Variants in MME observed in about 807,000 individuals in gnomAD.
MME encodes membrane metalloendopeptidase.
In MME, 98 loss-of-function variants were observed where a neutral mutation model predicts 113.2. That is an observed-to-expected ratio of 0.87 (90% CI 0.74 to 1.02). The LOEUF is 1.02. Among genes scored for constraint, MME ranks in the 50% least tolerant of loss-of-function variants. MME has a pLI of 0.00. For missense variants in MME, 836 were observed against 896.0 expected (o/e 0.93, Z 0.86); for synonymous variants, 292 against 300.6 (o/e 0.97, Z 0.30).
intron 1 of MME, among the ~76,000 whole-genome samples, chr3:155,064,875 T>TCAA (rs1455427584): frequency 2.6e-5 from 4 of 152,196 alleles, no homozygotes; most frequent in Non-Finnish European, 5.9e-5. Context: ...CTGGTGTTTG[T>TCAA]CAACAACCTT....
rs2304504 is a variant in MME at position 155,143,438 on chromosome 3, C to T, written c.1189-5C>T. The T allele has an allele frequency of 8.6e-5, 138 of 1,611,228 alleles. 1 individual carries two copies. In the East Asian group the frequency reaches 2.8e-3, roughly 33 times the overall value. On this transcript the variant is annotated splice_region_variant and splice_polypyrimidine_tract_variant and intron_variant, in intron 12 of 22. Transcript: ENST00000360490. Reference sequence around the variant, plus strand: ...CAAATGCCATTTCCTTTTTCTTTTCCGTAGGCCCTTTATGGTACAACCTCA... The same window carrying T: ...CAAATGCCATTTCCTTTTTCTTTTCTGTAGGCCCTTTATGGTACAACCTCA...
chr3:155,168,871 T>C (rs1711603414), intron 20 of MME, 74 bp downstream of exon 20: 1 of 1,348,614 alleles, frequency 7.4e-7, no homozygotes. Flanking sequence ...ATTTAAAACC[T>C]TTTGCAAAAA....
intron 8 of MME, among the ~76,000 whole-genome samples, chr3:155,136,689 G>T (rs1720663311): frequency 6.6e-6 from 1 of 152,080 alleles, no homozygotes; most frequent in South Asian, 2.1e-4. Flanking sequence ...ATTAGTTTTA[G>T]GTTTGATTAA....
At chr3:155,105,994 G>A (rs1450776962) in intron 3 of MME, among the ~76,000 whole-genome samples, 1 of 152,040 alleles carries the variant, frequency 6.6e-6, no homozygotes, top group African/African-American at 2.4e-5. Flanking sequence ...GTGTGTGTAT[G>A]CATATTTGTT....
intron 1 of MME, among the ~76,000 whole-genome samples, chr3:155,067,290 A>AT (rs1714411760): frequency 7.7e-6 from 1 of 129,370 alleles, no homozygotes; most frequent in East Asian, 2.1e-4. Context: ...AGCTTTTGCA[A>AT]TTTATTTTCC....
At chr3:155,171,261 C>A (rs1711919737) in intron 20 of MME, among the ~76,000 whole-genome samples, 1 of 152,154 alleles carries the variant, frequency 6.6e-6, no homozygotes, top group African/African-American at 2.4e-5. Flanking sequence ...AGATTGCGAG[C>A]TCTCTAAGAG....
intron 1 of MME, among the ~76,000 whole-genome samples, chr3:155,040,718 A>G (rs1053601645): frequency 6.6e-6 from 1 of 152,082 alleles, no homozygotes; most frequent in African/African-American, 2.4e-5. Context: ...TCATAAGTTC[A>G]AAATAATATC....
rs564835326 is a variant in MME, at chr3:155,183,294, G to T, written c.*2835G>T. The T allele has an allele frequency of 6.6e-6, 1 of 152,292 alleles. No homozygotes were observed. Among genetic ancestry groups the T allele is most frequent in the East Asian group, 1.9e-4 (1 of 5,176 alleles). 9.4% of individuals were successfully genotyped at this position (152,292 alleles called of 1,614,324 possible). Reference sequence around the variant, plus strand: ...CCTCTGCTTCTCTCACCTAAAAAAAGAGAATTAGATTATATTGGTGGTTCT... The same window carrying T: ...CCTCTGCTTCTCTCACCTAAAAAAATAGAATTAGATTATATTGGTGGTTCT... On this transcript the variant is annotated 3_prime_UTR_variant, in exon 23 of 23. Transcript: ENST00000360490.
Position 155,152,037 on chromosome 3 carries a change from C to T in MME, c.1601+3384C>T, listed in dbSNP as rs191040564. On this transcript the variant is annotated intron_variant, in intron 16 of 22. Coordinates refer to ENST00000360490, the MANE Select transcript of MME (RefSeq NM_007289.4). The stretch of plus-strand genomic sequence containing the variant: ...AAAACACTTCAGTGTATCCCTGTTG[C>T]CTGTCTCATGATGTGTGACTGTTTT... Among the ~76,000 whole-genome samples the T allele has an allele frequency of 2.0e-5, 3 of 152,232 alleles. No homozygotes were observed. In the East Asian group the frequency reaches 5.8e-4, roughly 29 times the overall value.
At chr3:155,080,703 G>A (rs1715063849) in intron 1 of MME, among the ~76,000 whole-genome samples, 1 of 152,078 alleles carries the variant, frequency 6.6e-6, no homozygotes. Context: ...TATTTGTCTG[G>A]TTTCAAAATA....
Position 155,180,458 on chromosome 3 carries a change from G to A in MME, c.2252G>A (p.Ter751=). The change falls in exon 23 of 23, where the codon TGA becomes TAA. Residue 751 remains the stop codon, a stop_retained_variant. Coordinates refer to ENST00000360490, the MANE Select transcript of MME (RefSeq NM_007289.4). ...CCAGAAAAGAAGTGCCGGGTTTGGT[G>A]ATCTTCAAAAGAAGCATTGCAGCCC... ...MNPEKKCRVW[*] is the part of the protein sequence containing the mutation. The A allele has an allele frequency of 6.2e-7, 1 of 1,611,878 alleles. No individual in the cohort carries two copies. The highest frequency in any genetic ancestry group is 8.5e-7 in the Non-Finnish European group (1 of 1,178,120).
chr3:155,141,131 T>C (rs1191764346), intron 10 of MME, among the ~76,000 whole-genome samples: 2 of 152,220 alleles, frequency 1.3e-5, no homozygotes, highest in African/African-American at 4.8e-5. Flanking sequence ...AACTACCACA[T>C]TCAGCGATGA....
In MME at chr3:155,115,070, G is replaced by A; in HGVS notation, c.273G>A (p.Trp91Ter). The A allele has an allele frequency of 6.2e-7, 1 of 1,614,112 alleles. No individual in the cohort carries two copies. The change falls in exon 4 of 23, where the codon TGG becomes TGA. Residue 91 changes from tryptophan (W) to a stop codon, truncating the protein, a stop_gained. Transcript: ENST00000360490. LOFTEE classifies it high-confidence loss of function. Reference protein sequence around the residue: ...TDFFKYACGGWLKRNVIPETS... With the variant: ...TDFFKYACGG Reference sequence around the variant, plus strand: ...TTTTCAAATATGCTTGCGGAGGCTGGTTGAAACGTAATGTCATTCCCGAGA... The same window carrying A: ...TTTTCAAATATGCTTGCGGAGGCTGATTGAAACGTAATGTCATTCCCGAGA...
chr3:155,064,054 GC>G (rs1432064058), intron 1 of MME, among the ~76,000 whole-genome samples: 3 of 152,062 alleles, frequency 2.0e-5, no homozygotes, highest in Non-Finnish European at 4.4e-5. Context: ...ACTTTGGGAG[GC>G]CGAGGTGAGT....
chr3:155,062,599 G>T (rs1362917244), intron 1 of MME, among the ~76,000 whole-genome samples: 2 of 151,948 alleles, frequency 1.3e-5, no homozygotes, highest in Non-Finnish European at 2.9e-5. Flanking sequence ...GAATAAAAAA[G>T]AACAGAAACA....
chr3:155,136,506 G>A lies in MME; in HGVS notation c.721-1596G>A, dbSNP rs549656386. Among the ~76,000 whole-genome samples the A allele has an allele frequency of 8.8e-4, 134 of 152,228 alleles. 1 individual carries two copies. The South Asian group carries it at 0.027, about 30-fold the overall frequency. On this transcript the variant is annotated intron_variant, in intron 8 of 22. Coordinates refer to ENST00000360490, the MANE Select transcript of MME (RefSeq NM_007289.4). ...CTATTGAGTAGCAAATCCATGGATA[G>A]CAATCACAGCTAGATAGTCACAGCA...
At chr3:155,168,647 G>C in intron 19 of MME, 22 bp downstream of exon 19, 5 of 1,613,684 alleles carry the variant, frequency 3.1e-6, no homozygotes, top group Non-Finnish European at 4.2e-6. Flanking sequence ...GCATTCTCTT[G>C]AAAAGTTTTA....
chr3:155,124,006 CAG>C (rs1559933411), intron 8 of MME, among the ~76,000 whole-genome samples: 1 of 85,394 alleles, frequency 1.2e-5, no homozygotes, highest in Non-Finnish European at 2.4e-5. Flanking sequence ...TAATATCCTG[CAG>C]AGTGTTTTCC....
chr3:155,085,097 A>G lies in MME; in HGVS notation c.196+3A>G. On this transcript the variant is annotated splice_donor_region_variant and intron_variant, in intron 3 of 22. Coordinates refer to ENST00000360490, the MANE Select transcript of MME (RefSeq NM_007289.4). ...GTCATCAGACTGCATAAAATCAGGT[A>G]AGAAATGGTTTTTACGTGTAATAGT... The G allele has an allele frequency of 6.4e-7, 1 of 1,573,996 alleles. No homozygotes were observed. Among genetic ancestry groups the G allele is most frequent in the Non-Finnish European group, 8.7e-7 (1 of 1,147,866 alleles).
Sources: allele counts gnomAD v4.1 joint callset (sites outside exome capture counted in the v4.1 genomes callset), GRCh38; gene constraint gnomAD v4.1.1; transcripts MANE v1.5; gene names NCBI Gene and HGNC (gene_info 2026-07-23, HGNC 2026-07-21).